Variants in SNRPE observed in about 807,000 individuals in gnomAD.
SNRPE encodes the protein small nuclear ribonucleoprotein polypeptide E.
For synonymous variants in SNRPE, 35 were observed against 36.7 expected, an observed-to-expected ratio of 0.95 and a Z score of 0.17; for missense variants, 53 against 111.6, an observed-to-expected ratio of 0.48 and a Z score of 2.36.
chr1:203,862,989 G>A (rs1198130221), intron 2 of SNRPE, among the ~76,000 whole-genome samples: 3 of 151,928 alleles, frequency 2.0e-5, no homozygotes, highest in Non-Finnish European at 2.9e-5. Context: ...AAAATCACAG[G>A]AAAATTATTA....
intron 4 of SNRPE, among the ~76,000 whole-genome samples, chr1:203,867,927 G>T (rs1690127756): frequency 6.6e-6 from 1 of 152,112 alleles, no homozygotes; most frequent in Non-Finnish European, 1.5e-5. Context: ...TATTTTATTA[G>T]TGTCTCTCCT....
In SNRPE at chr1:203,870,174, T is replaced by C. The variant is rs1320366138; in HGVS notation, c.*242T>C. 2.8e-6 allele frequency: 1 copy of C among 355,938 alleles called. No homozygotes were observed. Among genetic ancestry groups the C allele is most frequent in the Non-Finnish European group, 5.1e-6 (1 of 196,874 alleles). 22.0% of individuals were successfully genotyped at this position (355,938 alleles called of 1,614,324 possible). A position where few individuals can be genotyped will look rare whatever the true frequency, so the allele number is the denominator to read the frequency against. On this transcript the variant is annotated 3_prime_UTR_variant, in exon 5 of 5. Coordinates refer to ENST00000414487, the MANE Select transcript of SNRPE (RefSeq NM_003094.4). ...TATTTAGTTTTCTGAAGGGTCGCAGTTGCCTTGAGCACTTGGTATTCGCAG... is the reference window on the plus strand; with the variant it reads ...TATTTAGTTTTCTGAAGGGTCGCAGCTGCCTTGAGCACTTGGTATTCGCAG...
chr1:203,869,741 G>A (rs1317055647), intron 4 of SNRPE, 136 bp from the exon 5 acceptor site: 2 of 625,414 alleles, frequency 3.2e-6, no homozygotes, highest in African/African-American at 3.7e-5. Context: ...TTCACTATAT[G>A]GACACTTGAA....
intron 4 of SNRPE, among the ~76,000 whole-genome samples, chr1:203,868,578 G>A (rs1690143060): frequency 6.6e-6 from 1 of 152,214 alleles, no homozygotes; most frequent in African/African-American, 2.4e-5. Context: ...TATATGGAAA[G>A]TAGATTCTGA....
At chr1:203,868,261 G>T (rs1690134714) in intron 4 of SNRPE, among the ~76,000 whole-genome samples, 1 of 152,018 alleles carries the variant, frequency 6.6e-6, no homozygotes, top group South Asian at 2.1e-4. Flanking sequence ...TCACTGTGTT[G>T]CCCAGGCTGG....
intron 4 of SNRPE, among the ~76,000 whole-genome samples, chr1:203,867,995 T>G (rs1351723644): frequency 6.6e-6 from 1 of 152,170 alleles, no homozygotes; most frequent in East Asian, 1.9e-4. Context: ...CCCAGTGTGC[T>G]CAGTACCTAA....
chr1:203,865,552 A>G (rs1690069097), intron 4 of SNRPE, among the ~76,000 whole-genome samples: 1 of 152,204 alleles, frequency 6.6e-6, no homozygotes, highest in African/African-American at 2.4e-5. Context: ...CCCACACACC[A>G]AGCAAGCAAT....
intron 4 of SNRPE, among the ~76,000 whole-genome samples, chr1:203,866,143 A>G (rs894762797): frequency 6.6e-6 from 1 of 152,346 alleles, no homozygotes; most frequent in East Asian, 1.9e-4. Flanking sequence ...AGCAGCTCCC[A>G]TGCTGAAACG....
Position 203,869,289 on chromosome 1 carries a change from C to CTTTTTTTTTTTTTTTTTTTTTTT in SNRPE, c.224-576_224-554dup, listed in dbSNP as rs564988259. ...AGGTTTGTTTATTGTAGGATGGAGT[C>CTTTTTTTTTTTTTTTTTTTTTTT]TTTTTTTTTTTTTTTTTTTTTTTTT... On this transcript the variant is annotated intron_variant, in intron 4 of 4. Transcript: ENST00000414487. Among the ~76,000 whole-genome samples the CTTTTTTTTTTTTTTTTTTTTTTT allele has an allele frequency of 9.0e-5, 6 of 66,812 alleles. 2 individuals carry two copies. Among genetic ancestry groups the CTTTTTTTTTTTTTTTTTTTTTTT allele is most frequent in the Admixed American group, 4.5e-4 (2 of 4,434 alleles). The allele number at this position is 66,812 out of a possible 152,430, so 43.8% of individuals were successfully genotyped here.
At chr1:203,863,226 C>G (rs557559773) in intron 2 of SNRPE, among the ~76,000 whole-genome samples, 2 of 151,422 alleles carry the variant, frequency 1.3e-5, no homozygotes, top group African/African-American at 4.8e-5. Flanking sequence ...CTTAATGTTG[C>G]GCAGGCTTAT....
At chr1:203,868,958 C>A (rs1690151666) in intron 4 of SNRPE, among the ~76,000 whole-genome samples, 1 of 152,210 alleles carries the variant, frequency 6.6e-6, no homozygotes, top group Admixed American at 6.5e-5. Flanking sequence ...TGTGAGCCAC[C>A]ATACCCAGCC....
intron 4 of SNRPE, among the ~76,000 whole-genome samples, chr1:203,867,292 A>C (rs957654445): frequency 1.3e-5 from 2 of 150,806 alleles, no homozygotes; most frequent in African/African-American, 4.9e-5. Context: ...AAAAAAAAAA[A>C]AAAACAGTGG....
At chr1:203,866,551 T>C (rs1478914306) in intron 4 of SNRPE, among the ~76,000 whole-genome samples, 1 of 152,194 alleles carries the variant, frequency 6.6e-6, no homozygotes, top group African/African-American at 2.4e-5. Flanking sequence ...GAAAGCAAAC[T>C]CAATTCCAAC....
Position 203,863,705 on chromosome 1 carries a change from C to A in SNRPE, c.124C>A (p.Arg42=). Reference sequence around the variant, plus strand: ...GTGGCTCTATGAGCAAGTGAATATGCGGATAGAAGGCTGTATCATTGTGAG... The same window carrying A: ...GTGGCTCTATGAGCAAGTGAATATGAGGATAGAAGGCTGTATCATTGTGAG... ...QVWLYEQVNM[R]IEGCIIGFDE... is the part of the protein sequence containing the mutation. Residue 42 remains arginine, a synonymous_variant, in exon 3 of 5, where the codon CGG becomes AGG. Transcript: ENST00000414487. 6.2e-7 allele frequency: 1 copy of A among 1,602,652 alleles called. No homozygotes were observed.
chr1:203,868,079 A>G (rs934317617), intron 4 of SNRPE, among the ~76,000 whole-genome samples: 4 of 66,378 alleles, frequency 6.0e-5, no homozygotes, highest in African/African-American at 2.0e-4. Flanking sequence ...TTGTTTTTGG[A>G]GACAGAGTCT....
intron 3 of SNRPE, 99 bp downstream of exon 3, chr1:203,863,824 C>A: frequency 1.2e-6 from 1 of 806,380 alleles, no homozygotes; most frequent in Non-Finnish European, 2.0e-6. Context: ...GTCAAAGATC[C>A]AACCTAAGGA....
chr1:203,867,111 A>AG (rs1558158409), intron 4 of SNRPE, among the ~76,000 whole-genome samples: 1 of 86,790 alleles, frequency 1.2e-5, no homozygotes, highest in Non-Finnish European at 2.6e-5. Context: ...TTTCCTGAAA[A>AG]AAAAAAAAAA....
At chr1:203,869,607 G>A (rs1386328702) in intron 4 of SNRPE, among the ~76,000 whole-genome samples, 4 of 152,046 alleles carry the variant, frequency 2.6e-5, no homozygotes, top group African/African-American at 4.8e-5. Context: ...TTCAGCATTG[G>A]GAAATGTTGT....
chr1:203,866,782 T>C (rs1445410648), intron 4 of SNRPE, among the ~76,000 whole-genome samples: 1 of 152,034 alleles, frequency 6.6e-6, no homozygotes, highest in African/African-American at 2.4e-5. Context: ...CTAATGATTC[T>C]GCAAATCTAA....
Sources: gnomAD v4.1 joint callset for allele counts (sites outside exome capture counted in the v4.1 genomes callset) on GRCh38, gnomAD v4.1.1 for gene constraint, MANE v1.5 for transcripts, NCBI Gene and HGNC (gene_info 2026-07-23, HGNC 2026-07-21) for gene names.